The following ARHGAP29 variants were observed in gnomAD, a reference collection of about 807,000 sequenced individuals.
ARHGAP29 encodes Rho GTPase activating protein 29, also known as rho GTPase-activating protein 29.
A neutral mutation model predicts 122.6 loss-of-function variants in ARHGAP29; 43 were observed. The ratio of observed to expected loss-of-function variants is 0.35; its 90% confidence interval spans 0.27 to 0.45. The LOEUF (loss-of-function observed/expected upper bound fraction) is 0.45, where lower values mean the gene tolerates loss of function less well. Ranked by LOEUF, ARHGAP29 falls within the 20% of genes least tolerant of loss-of-function variation. ARHGAP29 has a pLI of 1.00. For synonymous variants in ARHGAP29, 506 were observed against 497.1 expected (o/e 1.02, Z -0.24); for missense variants, 1,303 against 1,477.2 (o/e 0.88, Z 1.93).
chr1:94,285,294 C>A, the ARHGAP29 span, among the ~76,000 whole-genome samples: 2 of 151,520 alleles, frequency 1.3e-5, no homozygotes, highest in African/African-American at 4.9e-5. Context: ...ACACATTGAG[C>A]ATCAACAATG....
chr1:94,240,920 T>A (rs1653548199), upstream of ARHGAP29, among the ~76,000 whole-genome samples: 1 of 152,206 alleles, frequency 6.6e-6, no homozygotes, highest in Non-Finnish European at 1.5e-5. Flanking sequence ...TTCTGTAGTT[T>A]AGGTAGCCTA....
the ARHGAP29 span, among the ~76,000 whole-genome samples, chr1:94,288,889 T>G: frequency 6.6e-6 from 1 of 152,252 alleles, no homozygotes; most frequent in Non-Finnish European, 1.5e-5. Context: ...CATGCTGTTT[T>G]GGTTACTGTA....
intron 1 of ARHGAP29, among the ~76,000 whole-genome samples, chr1:94,271,803 C>T (rs1224460119): frequency 6.6e-6 from 1 of 152,114 alleles, no homozygotes; most frequent in African/African-American, 2.4e-5. Context: ...AGTTCTGTTC[C>T]CCAAAGGAAG....
intron 1 of ARHGAP29, among the ~76,000 whole-genome samples, chr1:94,270,960 G>C (rs148281254): frequency 1.4e-3 from 209 of 152,324 alleles, no homozygotes; most frequent in African/African-American, 4.9e-3. Flanking sequence ...ATGACTCACT[G>C]TTCCTGTGGG....
intron 5 of ARHGAP29, 84 bp from the exon 6 acceptor site, chr1:94,205,767 T>C (rs1570536737): frequency 2.6e-6 from 3 of 1,160,452 alleles, no homozygotes; most frequent in Non-Finnish European, 3.8e-6. Context: ...AATTTGTTAC[T>C]CTGACATAAT....
At chr1:94,231,276 G>A (rs964771171) in intron 2 of ARHGAP29, 131 bp downstream of exon 2, 2 of 692,218 alleles carry the variant, frequency 2.9e-6, no homozygotes, top group South Asian at 3.9e-5. Flanking sequence ...TCAAAGATTT[G>A]GGGAAAAAAG....
upstream of ARHGAP29, chr1:94,275,096 C>G (rs145407337): frequency 5.3e-5 from 8 of 152,294 alleles, no homozygotes; most frequent in African/African-American, 1.9e-4. Flanking sequence ...GAGCTACTTA[C>G]TTGAATAGCA....
the ARHGAP29 span, among the ~76,000 whole-genome samples, chr1:94,299,182 C>G: frequency 6.6e-6 from 1 of 152,164 alleles, no homozygotes; most frequent in East Asian, 1.9e-4. Flanking sequence ...AGCTTATGTT[C>G]TCACCACTGT....
chr1:94,254,296 A>G (rs758023605), intron 1 of ARHGAP29, among the ~76,000 whole-genome samples: 12 of 152,218 alleles, frequency 7.9e-5, no homozygotes, highest in African/African-American at 1.2e-4. Flanking sequence ...TGGGAGCTAC[A>G]TGGTACTAGA....
chr1:94,220,864 A>G (rs746601911), intron 2 of ARHGAP29, among the ~76,000 whole-genome samples: 1 of 143,750 alleles, frequency 7.0e-6, no homozygotes, highest in Non-Finnish European at 1.6e-5. Context: ...TGCTTTTTAG[A>G]AAAACTGAAT....
At position 94,203,013 on chromosome 1, in the gene ARHGAP29, T is replaced by C; in HGVS notation, c.874-15A>G. 1 of 1,602,020 alleles carries C rather than the reference T, an allele frequency of 6.2e-7. No individual in the cohort carries two copies. On this transcript the variant is annotated splice_polypyrimidine_tract_variant and intron_variant, in intron 9 of 22. Transcript: ENST00000260526. ...CCAAGTAGAGGCTGTGAAAGGTATT[T>C]AAAATGGAAAAAGAGAAAAGCAATT...
chr1:94,198,892 T>C (rs1650642888), intron 12 of ARHGAP29, among the ~76,000 whole-genome samples: 1 of 152,212 alleles, frequency 6.6e-6, no homozygotes, highest in South Asian at 2.1e-4. Context: ...CAAACAATTC[T>C]ATAAAAGAAT....
intron 4 of ARHGAP29, 63 bp downstream of exon 4, chr1:94,209,191 A>G: frequency 8.5e-7 from 1 of 1,182,774 alleles, no homozygotes; most frequent in Non-Finnish European, 1.2e-6. Context: ...TTACTGGATA[A>G]TGCAACATAC....
At chr1:94,299,722 C>T in the ARHGAP29 span, among the ~76,000 whole-genome samples, 1 of 151,816 alleles carries the variant, frequency 6.6e-6, no homozygotes, top group Non-Finnish European at 1.5e-5. Context: ...TTGGGAAAGG[C>T]TGGGTCCACC....
chr1:94,211,576 C>T (rs907214640), intron 3 of ARHGAP29, among the ~76,000 whole-genome samples: 3 of 151,954 alleles, frequency 2.0e-5, no homozygotes, highest in African/African-American at 7.2e-5. Context: ...CACTGAATAT[C>T]GTTACCAAGA....
chr1:94,259,011 A>G (rs1029938308), intron 1 of ARHGAP29, among the ~76,000 whole-genome samples: 2 of 152,206 alleles, frequency 1.3e-5, no homozygotes, highest in African/African-American at 4.8e-5. Flanking sequence ...GGAAAATCAT[A>G]AAGTCTTGAC....
chr1:94,293,453 C>G, the ARHGAP29 span, among the ~76,000 whole-genome samples: 1 of 152,244 alleles, frequency 6.6e-6, no homozygotes, highest in African/African-American at 2.4e-5. Flanking sequence ...AGGTGACACC[C>G]TGTCCTGCTT....
chr1:94,303,307 G>C, the ARHGAP29 span, among the ~76,000 whole-genome samples: 1 of 152,220 alleles, frequency 6.6e-6, no homozygotes, highest in Non-Finnish European at 1.5e-5. Flanking sequence ...AAATATGCTA[G>C]TCACAAAAGG....
intron 1 of ARHGAP29, among the ~76,000 whole-genome samples, chr1:94,233,408 C>T (rs1361425370): frequency 3.6e-5 from 1 of 27,494 alleles, no homozygotes; most frequent in African/African-American, 8.7e-5. Flanking sequence ...ACTGCTACCA[C>T]ACTAGTGAAT....
Sources: gnomAD v4.1 joint callset for allele counts (sites outside exome capture counted in the v4.1 genomes callset) on GRCh38, gnomAD v4.1.1 for gene constraint, MANE v1.5 for transcripts, NCBI Gene and HGNC (gene_info 2026-07-23, HGNC 2026-07-21) for gene names.